Variants in WDPCP observed in about 807,000 individuals in gnomAD.
WDPCP encodes the protein WD repeat containing planar cell polarity effector.
In WDPCP, 71 loss-of-function variants were observed where a neutral mutation model predicts 93.1. That is an observed-to-expected ratio of 0.76 (90% CI 0.63 to 0.93). WDPCP has a LOEUF of 0.93. Ranked by LOEUF, WDPCP falls within the 40% of genes least tolerant of loss-of-function variation. The probability of loss-of-function intolerance (pLI) is 0.00; values close to 1 mark genes in which losing one functional copy is unlikely to be tolerated. For synonymous variants in WDPCP, 315 were observed against 315.0 expected (o/e 1.00, Z 0.00); for missense variants, 844 against 887.4 (o/e 0.95, Z 0.62).
intron 2 of WDPCP, among the ~76,000 whole-genome samples, chr2:63,688,625 A>G (rs532517257): frequency 1.3e-5 from 2 of 152,198 alleles, no homozygotes; most frequent in South Asian, 2.1e-4. Context: ...TAACTAAAAG[A>G]GTGTAATTGG....
At chr2:63,637,168 A>G (rs868786618) in intron 3 of WDPCP, among the ~76,000 whole-genome samples, 1 of 152,098 alleles carries the variant, frequency 6.6e-6, no homozygotes, top group Admixed American at 6.5e-5. Context: ...CCTGGCCAAG[A>G]TGGTGAAACC....
chr2:63,572,622 G>A (rs1476397407), intron 1 of WDPCP, among the ~76,000 whole-genome samples: 2 of 145,182 alleles, frequency 1.4e-5, no homozygotes, highest in African/African-American at 2.6e-5. Context: ...AGAATCGCTT[G>A]AACCTGGGAG....
chr2:63,276,866 A>C (rs1683126574), intron 13 of WDPCP, among the ~76,000 whole-genome samples: 1 of 152,180 alleles, frequency 6.6e-6, no homozygotes, highest in African/African-American at 2.4e-5. Context: ...AAAATACAAG[A>C]AGCTCAAAGA....
intron 12 of WDPCP, among the ~76,000 whole-genome samples, chr2:63,358,019 T>C (rs1469487953): frequency 6.6e-6 from 1 of 152,164 alleles, no homozygotes; most frequent in Non-Finnish European, 1.5e-5. Flanking sequence ...GAAAATCAAA[T>C]ACTGCATGTT....
intron 3 of WDPCP, among the ~76,000 whole-genome samples, chr2:63,600,790 T>C (rs1318807386): frequency 6.6e-6 from 1 of 152,170 alleles, no homozygotes; most frequent in Non-Finnish European, 1.5e-5. Flanking sequence ...TAGGAGTTTG[T>C]TTGAATGGCA....
chr2:63,680,291 G>A (rs1710476252), intron 2 of WDPCP, among the ~76,000 whole-genome samples: 2 of 152,250 alleles, frequency 1.3e-5, no homozygotes, highest in East Asian at 3.8e-4. Context: ...AAGAGGCACT[G>A]AAGAGGGTAA....
intron 1 of WDPCP, among the ~76,000 whole-genome samples, chr2:63,568,422 A>G (rs572555588): frequency 1.6e-4 from 24 of 152,198 alleles, no homozygotes; most frequent in African/African-American, 5.3e-4. Context: ...GTAATGGGAG[A>G]TATTTATAAA....
At chr2:63,159,383 G>A (rs1007334614) in intron 15 of WDPCP, among the ~76,000 whole-genome samples, 2 of 151,908 alleles carry the variant, frequency 1.3e-5, no homozygotes, top group Non-Finnish European at 1.5e-5. Flanking sequence ...ATGCCACCAT[G>A]CCTGGCTTGT....
intron 12 of WDPCP, among the ~76,000 whole-genome samples, chr2:63,363,350 G>A (rs1002728345): frequency 6.6e-6 from 1 of 152,126 alleles, no homozygotes; most frequent in African/African-American, 2.4e-5. Flanking sequence ...TGTAATCCCA[G>A]CACTTTGGGA....
intron 13 of WDPCP, among the ~76,000 whole-genome samples, chr2:63,302,190 T>G (rs542012596): frequency 5.9e-5 from 9 of 152,326 alleles, no homozygotes; most frequent in Admixed American, 5.2e-4. Flanking sequence ...ATTTAACTCA[T>G]GTATTTGACC....
intron 12 of WDPCP, among the ~76,000 whole-genome samples, chr2:63,343,968 T>C (rs376169374): frequency 6.6e-6 from 1 of 152,210 alleles, no homozygotes; most frequent in East Asian, 1.9e-4. Flanking sequence ...GCTTTCTGAG[T>C]TTAAAGGAAG....
rs1048042373 is a variant in WDPCP, at chr2:63,162,666, A to G, written c.2079-9092T>C. On this transcript the variant is annotated intron_variant, in intron 15 of 17. Transcript: ENST00000272321. ...TATTGTTCTATGTAAACTCATAACTACAGGGTCTCAGATAATGAATATTTG... is the reference window on the plus strand; with the variant it reads ...TATTGTTCTATGTAAACTCATAACTGCAGGGTCTCAGATAATGAATATTTG... Among the ~76,000 whole-genome samples the G allele has an allele frequency of 6.7e-4, 102 of 152,272 alleles. 3 individuals carry two copies. Among genetic ancestry groups the G allele is most frequent in the Admixed American group, 6.2e-3 (95 of 15,292 alleles).
intron 12 of WDPCP, among the ~76,000 whole-genome samples, chr2:63,319,911 T>C (rs1686956846): frequency 6.6e-6 from 1 of 152,126 alleles, no homozygotes; most frequent in African/African-American, 2.4e-5. Flanking sequence ...ATCAACAATG[T>C]AATTAATTGA....
chr2:63,146,876 C>T lies in WDPCP; in HGVS notation c.2190+6038G>A, dbSNP rs193024282. Among the ~76,000 whole-genome samples the T allele has an allele frequency of 1.3e-4, 20 of 152,206 alleles. No homozygotes were observed. In the East Asian group the frequency reaches 3.7e-3, roughly 28 times the overall value. On this transcript the variant is annotated intron_variant, in intron 17 of 17. Coordinates refer to ENST00000272321, the MANE Select transcript of WDPCP (RefSeq NM_015910.7). The stretch of plus-strand genomic sequence containing the variant: ...GCAATTATTGTAAGACATTAATGGT[C>T]GAATCCAAATAGTGGGCATACGGAT...
intron 10 of WDPCP, among the ~76,000 whole-genome samples, chr2:63,401,981 C>G (rs1166927845): frequency 6.6e-6 from 1 of 151,836 alleles, no homozygotes; most frequent in Non-Finnish European, 1.5e-5. Flanking sequence ...GAGTATATAC[C>G]CAAAGGAATA....
At chr2:63,771,134 T>C (rs925535245) in intron 2 of WDPCP, among the ~76,000 whole-genome samples, 1 of 151,582 alleles carries the variant, frequency 6.6e-6, no homozygotes, top group Non-Finnish European at 1.5e-5. Context: ...GCTGAGCTAA[T>C]AAAATTGATT....
At chr2:63,399,205 T>C (rs1477722895) in intron 10 of WDPCP, among the ~76,000 whole-genome samples, 1 of 152,152 alleles carries the variant, frequency 6.6e-6, no homozygotes, top group Non-Finnish European at 1.5e-5. Context: ...TAAATGTCAG[T>C]TGCAAAAGTT....
rs1013955472 is a variant in WDPCP, at chr2:63,437,446, T to C, written c.608A>G (p.Glu203Gly). The C allele has an allele frequency of 8.1e-6, 13 of 1,603,332 alleles. No individual in the cohort carries two copies. The highest frequency in any genetic ancestry group is 1.0e-5 in the Non-Finnish European group (12 of 1,174,612). ...MESSDVNKRL[E>G]KLSALDYKIF... ...CTTATAATCCAAGGCTGAGAGTTTT[T>C]CCAGTCTTTTGTTTACATCAGAAGA... Residue 203 changes from glutamate (E) to glycine (G), a missense_variant, in exon 8 of 18, where the codon GAA becomes GGA. Physicochemically the swap from Glu to Gly is moderately conservative, Grantham distance 98 (BLOSUM62 -2). Coordinates refer to ENST00000272321, the MANE Select transcript of WDPCP (RefSeq NM_015910.7).
intron 2 of WDPCP, among the ~76,000 whole-genome samples, chr2:63,727,016 A>T (rs1347935261): frequency 6.6e-6 from 1 of 152,128 alleles, no homozygotes; most frequent in African/African-American, 2.4e-5. Flanking sequence ...TTCTCTCCCT[A>T]TTTCGATATA....
Sources: allele counts gnomAD v4.1 joint callset (sites outside exome capture counted in the v4.1 genomes callset), GRCh38; gene constraint gnomAD v4.1.1; transcripts MANE v1.5; gene names NCBI Gene and HGNC (gene_info 2026-07-23, HGNC 2026-07-21).